Variants in PTPRD observed in about 807,000 individuals in gnomAD.
PTPRD encodes the protein receptor-type tyrosine-protein phosphatase delta.
PTPRD carries 34 observed loss-of-function variants against 214.5 expected under a neutral mutation model. That is an observed-to-expected ratio of 0.16 (90% confidence interval 0.12 to 0.21). The LOEUF (loss-of-function observed/expected upper bound fraction) is 0.21, where lower values mean the gene tolerates loss of function less well. Among genes scored for constraint, PTPRD ranks in the 10% least tolerant of loss-of-function variants. The pLI is 1.00. For synonymous variants in PTPRD, 1,128 were observed against 845.7 expected (o/e 1.33, Z -5.79); for missense variants, 2,545 against 2,398.7 (o/e 1.06, Z -1.27).
chr9:8,710,741 ATAAT>A (rs2098315177), intron 12 of PTPRD, among the ~76,000 whole-genome samples: 1 of 152,182 alleles, frequency 6.6e-6, no homozygotes, highest in Non-Finnish European at 1.5e-5. Context: ...ATCAGAAATA[ATAAT>A]TAGTATAATC....
chr9:8,491,193 C>G (rs1292041502), intron 27 of PTPRD, among the ~76,000 whole-genome samples: 3 of 152,202 alleles, frequency 2.0e-5, no homozygotes, highest in Admixed American at 2.0e-4. Context: ...CATTTTCTAT[C>G]TCAATACCGA....
At chr9:8,518,645 A>G (rs1236466953) in intron 20 of PTPRD, among the ~76,000 whole-genome samples, 1 of 152,224 alleles carries the variant, frequency 6.6e-6, no homozygotes, top group Non-Finnish European at 1.5e-5. Context: ...GCTTGATAGC[A>G]TATTTTTAGG....
intron 30 of PTPRD, among the ~76,000 whole-genome samples, chr9:8,475,506 G>A (rs934980242): frequency 6.6e-6 from 1 of 151,902 alleles, no homozygotes; most frequent in Non-Finnish European, 1.5e-5. Context: ...TCAGTTCTTA[G>A]CTATATGCAA....
chr9:9,071,391 T>C (rs992028473), intron 10 of PTPRD, among the ~76,000 whole-genome samples: 4 of 152,172 alleles, frequency 2.6e-5, no homozygotes, highest in Admixed American at 2.6e-4. Context: ...TGGGTGGGCC[T>C]GACTGAATCA....
intron 2 of PTPRD, among the ~76,000 whole-genome samples, chr9:10,554,997 A>C (rs908202272): frequency 2.6e-5 from 4 of 152,216 alleles, no homozygotes; most frequent in Non-Finnish European, 5.9e-5. Flanking sequence ...CCATTTAGAT[A>C]AGAATGTGTT....
At chr9:8,356,434 C>A (rs2077016017) in intron 39 of PTPRD, among the ~76,000 whole-genome samples, 1 of 152,132 alleles carries the variant, frequency 6.6e-6, no homozygotes, top group African/African-American at 2.4e-5. Flanking sequence ...TACATGAAAT[C>A]AAAATACACA....
intron 39 of PTPRD, among the ~76,000 whole-genome samples, chr9:8,344,136 T>A (rs1294161045): frequency 6.6e-6 from 1 of 152,080 alleles, no homozygotes; most frequent in Non-Finnish European, 1.5e-5. Flanking sequence ...GTCCTGAGAC[T>A]CCAAGTAACA....
chr9:9,573,709 T>G (rs2154303260), intron 8 of PTPRD, among the ~76,000 whole-genome samples: 1 of 151,970 alleles, frequency 6.6e-6, no homozygotes, highest in African/African-American at 2.4e-5. Flanking sequence ...TCCAAATTTC[T>G]CCCATTATCA....
intron 2 of PTPRD, among the ~76,000 whole-genome samples, chr9:10,387,820 C>CTTTTT (rs58959929): frequency 4.8e-5 from 4 of 82,568 alleles, no homozygotes; most frequent in Non-Finnish European, 6.2e-5. Context: ...AAGATTTTGT[C>CTTTTT]TTTTTTTTTT....
At chr9:8,886,676 GT>G (rs2098491397) in intron 11 of PTPRD, among the ~76,000 whole-genome samples, 1 of 152,136 alleles carries the variant, frequency 6.6e-6, no homozygotes. Flanking sequence ...TTTTTCTGCA[GT>G]CAGCACCCCC....
chr9:10,222,837 C>T (rs73641889), intron 3 of PTPRD, among the ~76,000 whole-genome samples: 2,265 of 152,018 alleles, frequency 0.015, 54 homozygotes, highest in African/African-American at 0.051. Flanking sequence ...AGGAAGGAAA[C>T]TTACTCCATC....
At chr9:9,720,991 G>C (rs1166554153) in intron 7 of PTPRD, among the ~76,000 whole-genome samples, 1 of 152,066 alleles carries the variant, frequency 6.6e-6, no homozygotes, top group Admixed American at 6.5e-5. Context: ...GAGGGTGTAG[G>C]GTGGGAGGAG....
chr9:9,202,541 G>T (rs529285161), intron 9 of PTPRD, among the ~76,000 whole-genome samples: 2 of 152,188 alleles, frequency 1.3e-5, no homozygotes, highest in African/African-American at 4.8e-5. Flanking sequence ...TACATCAGAT[G>T]CAAGCTTGAT....
intron 35 of PTPRD, among the ~76,000 whole-genome samples, chr9:8,424,010 C>T (rs1472189611): frequency 6.6e-6 from 1 of 152,132 alleles, no homozygotes; most frequent in Non-Finnish European, 1.5e-5. Flanking sequence ...CTTTCATCAT[C>T]TTCAAACTTG....
At chr9:8,329,571 A>G (rs1400352688) in intron 44 of PTPRD, among the ~76,000 whole-genome samples, 2 of 152,266 alleles carry the variant, frequency 1.3e-5, no homozygotes, top group African/African-American at 4.8e-5. Context: ...CGCTCATCAG[A>G]GCTGCCAGGT....
At chr9:9,994,694 T>C (rs185929318) in intron 4 of PTPRD, among the ~76,000 whole-genome samples, 5 of 152,148 alleles carry the variant, frequency 3.3e-5, no homozygotes, top group African/African-American at 1.2e-4. Context: ...AAAGACCATG[T>C]GCATCTTAAA....
intron 3 of PTPRD, among the ~76,000 whole-genome samples, chr9:10,288,238 AC>A (rs1209475409): frequency 1.3e-5 from 2 of 151,886 alleles, no homozygotes; most frequent in Non-Finnish European, 2.9e-5. Flanking sequence ...TAAAAAATTA[AC>A]TTAAAGCTTC....
At chr9:8,473,802 A>G (rs1180815184) in intron 30 of PTPRD, among the ~76,000 whole-genome samples, 1 of 152,190 alleles carries the variant, frequency 6.6e-6, no homozygotes, top group Non-Finnish European at 1.5e-5. Flanking sequence ...GCGGCAAGAT[A>G]TCCACAACCT....
In PTPRD at chr9:9,443,910, A is replaced by T. The variant is rs142973014; in HGVS notation, c.-236-46428T>A. Among the ~76,000 whole-genome samples the T allele has an allele frequency of 2.2e-3, 340 of 152,284 alleles. 3 individuals are homozygous for T. The Middle Eastern group carries it at 0.031, about 14-fold the overall frequency. ...GCTTGAAAGCAAGACTGAAACATGC[A>T]CTTATATTCATTCATGTTTTTGAAT... On this transcript the variant is annotated intron_variant, in intron 8 of 45. Transcript: ENST00000381196.
Sources: gnomAD v4.1 joint callset for allele counts (sites outside exome capture counted in the v4.1 genomes callset) on GRCh38, gnomAD v4.1.1 for gene constraint, MANE v1.5 for transcripts, NCBI Gene and HGNC (gene_info 2026-07-23, HGNC 2026-07-21) for gene names.